The following SLC30A6 variants were observed in gnomAD, a reference collection of about 807,000 sequenced individuals.
The protein encoded by SLC30A6 is zinc transporter 6.
In SLC30A6, 55 loss-of-function variants were observed where a neutral mutation model predicts 63.0. That is an observed-to-expected ratio of 0.87 (90% confidence interval 0.70 to 1.09). The LOEUF is 1.09. Among genes scored for constraint, SLC30A6 ranks in the 50% least tolerant of loss-of-function variants. The pLI is 0.00. For missense variants in SLC30A6, 587 were observed against 549.2 expected (o/e 1.07, Z -0.69); for synonymous variants, 224 against 186.1 (o/e 1.20, Z -1.66).
At chr2:32,192,528 G>C in intron 6 of SLC30A6, 112 bp downstream of exon 6, 1 of 854,560 alleles carries the variant, frequency 1.2e-6, no homozygotes, top group Non-Finnish European at 1.8e-6. Context: ...GATGAGCAGG[G>C]CTGGAGTTTT....
At chr2:32,171,228 T>C (rs1681173046) in intron 1 of SLC30A6, 59 bp from the exon 2 acceptor site, 3 of 1,400,726 alleles carry the variant, frequency 2.1e-6, no homozygotes, top group Non-Finnish European at 3.0e-6. Flanking sequence ...TATCATATCA[T>C]AGGAACTCTG....
At chr2:32,205,791 C>G (rs780561930) in intron 11 of SLC30A6, among the ~76,000 whole-genome samples, 5 of 151,380 alleles carry the variant, frequency 3.3e-5, no homozygotes, top group Non-Finnish European at 5.9e-5. Context: ...CCTCAGCATC[C>G]CGAGTAGCTG....
chr2:32,192,313 T>A (rs754123011), intron 5 of SLC30A6, 23 bp from the exon 6 acceptor site: 1 of 1,607,012 alleles, frequency 6.2e-7, no homozygotes. Flanking sequence ...ATTGTGATGA[T>A]CTAATTAATG....
At chr2:32,209,684 A>G in intron 13 of SLC30A6, 123 bp downstream of exon 13, 1 of 778,504 alleles carries the variant, frequency 1.3e-6, no homozygotes, top group Non-Finnish European at 2.0e-6. Flanking sequence ...TGTTAAGCAG[A>G]GTCTAAAATG....
In SLC30A6 at chr2:32,206,874, A is replaced by G; in HGVS notation, c.769-12A>G. On this transcript the variant is annotated splice_polypyrimidine_tract_variant and intron_variant, in intron 11 of 13. Coordinates refer to ENST00000282587, the MANE Select transcript of SLC30A6 (RefSeq NM_017964.5). ...TCCCCCATTATTCATATTTTATTGT[A>G]TTTTTCCCCAGACAACACCACCCCA... 1 of 1,608,862 alleles carries G rather than the reference A, an allele frequency of 6.2e-7. No individual in the cohort carries two copies. Among genetic ancestry groups the G allele is most frequent in the Non-Finnish European group, 8.5e-7 (1 of 1,175,590 alleles).
chr2:32,204,975 C>T (rs1275455288), intron 11 of SLC30A6, among the ~76,000 whole-genome samples: 2 of 151,986 alleles, frequency 1.3e-5, no homozygotes, highest in East Asian at 3.9e-4. Flanking sequence ...CCACACCCAG[C>T]TAATTTTTAA....
Position 32,220,893 on chromosome 2 carries a change from T to G in SLC30A6, c.*180T>G. On this transcript the variant is annotated 3_prime_UTR_variant, in exon 14 of 14. Transcript: ENST00000282587. ...GTAAAATGTATTTGTGACAGTGAAA[T>G]CCTCGTAAATGTTAAAGGCTTTAAA... is the stretch of plus-strand genomic sequence containing the variant. 1 of 600,254 alleles carries G rather than the reference T, an allele frequency of 1.7e-6. No individual in the cohort carries two copies. The highest frequency in any genetic ancestry group is 2.4e-5 in the South Asian group (1 of 42,142). The allele number at this position is 600,254 out of a possible 1,614,324, so 37.2% of individuals were successfully genotyped here.
chr2:32,180,257 G>A (rs189177940), intron 4 of SLC30A6, among the ~76,000 whole-genome samples: 4 of 152,010 alleles, frequency 2.6e-5, no homozygotes, highest in Non-Finnish European at 4.4e-5. Flanking sequence ...TTAAAAATTA[G>A]CCAAGTTTGG....
chr2:32,167,827 A>G (rs1242787171), intron 1 of SLC30A6, among the ~76,000 whole-genome samples: 1 of 152,084 alleles, frequency 6.6e-6, no homozygotes, highest in African/African-American at 2.4e-5. Context: ...ACCTTCATTA[A>G]CTCACAGCCC....
intron 13 of SLC30A6, chr2:32,214,312 TA>T (rs1685519638): frequency 6.6e-6 from 1 of 152,238 alleles, no homozygotes; most frequent in Non-Finnish European, 1.5e-5. Context: ...GAAGTTTTTG[TA>T]AATCTGAAAA....
At position 32,193,878 on chromosome 2, in the gene SLC30A6, G is replaced by C. The variant is rs1315227910; in HGVS notation, c.402-11G>C. 6.2e-7 allele frequency: 1 copy of C among 1,603,444 alleles called. No individual in the cohort carries two copies. The highest frequency in any genetic ancestry group is 2.2e-5 in the East Asian group (1 of 44,656). ...CAAATTAAAGGTGAATGTTATCGTT[G>C]TTCTTTTTAGGGGAAGATTATTAGT... On this transcript the variant is annotated splice_polypyrimidine_tract_variant and intron_variant, in intron 7 of 13. Coordinates refer to ENST00000282587, the MANE Select transcript of SLC30A6 (RefSeq NM_017964.5).
chr2:32,196,776 A>C (rs766397575), intron 8 of SLC30A6, among the ~76,000 whole-genome samples: 11 of 151,998 alleles, frequency 7.2e-5, no homozygotes, highest in Non-Finnish European at 1.2e-4. Context: ...AAGTATAAAG[A>C]ACTGCTGGGC....
At chr2:32,194,636 C>T (rs1683616752) in intron 8 of SLC30A6, among the ~76,000 whole-genome samples, 1 of 152,136 alleles carries the variant, frequency 6.6e-6, no homozygotes, top group African/African-American at 2.4e-5. Flanking sequence ...CACAGACCCA[C>T]ACTTTGAAGT....
intron 5 of SLC30A6, among the ~76,000 whole-genome samples, chr2:32,191,376 C>T (rs980021747): frequency 4.6e-5 from 7 of 152,020 alleles, no homozygotes; most frequent in Admixed American, 3.9e-4. Context: ...TTTTCCTTTA[C>T]AAATAACAAT....
chr2:32,193,881 CTTTTTAGGGGAAGA>C lies in SLC30A6; in HGVS notation c.402-5_410del. Reference sequence around the variant, plus strand: ...ATTAAAGGTGAATGTTATCGTTGTTCTTTTTAGGGGAAGATTATTAGTTGGTACTTTTGTGGCTC... The same window carrying C: ...ATTAAAGGTGAATGTTATCGTTGTTCTTATTAGTTGGTACTTTTGTGGCTC... On this transcript the variant is annotated splice_acceptor_variant and splice_polypyrimidine_tract_variant and coding_sequence_variant and intron_variant, in exon 8 of 14. Coordinates refer to ENST00000282587, the MANE Select transcript of SLC30A6 (RefSeq NM_017964.5). LOFTEE classifies it high-confidence loss of function. 1 of 1,606,862 alleles carries C rather than the reference CTTTTTAGGGGAAGA, an allele frequency of 6.2e-7. No homozygotes were observed. Among genetic ancestry groups the C allele is most frequent in the Non-Finnish European group, 8.5e-7 (1 of 1,174,602 alleles).
intron 2 of SLC30A6, among the ~76,000 whole-genome samples, chr2:32,173,788 A>T (rs545851578): frequency 4.6e-5 from 7 of 152,198 alleles, no homozygotes; most frequent in African/African-American, 7.2e-5. Flanking sequence ...AACGATATGC[A>T]TATGTATGTG....
chr2:32,207,192 T>C (rs747475488), intron 12 of SLC30A6, among the ~76,000 whole-genome samples: 12 of 151,968 alleles, frequency 7.9e-5, no homozygotes, highest in Non-Finnish European at 1.5e-4. Context: ...ATGCTATGAT[T>C]TTTATTTATT....
chr2:32,218,097 A>G (rs560840918), intron 13 of SLC30A6, among the ~76,000 whole-genome samples: 8 of 152,000 alleles, frequency 5.3e-5, no homozygotes, highest in Non-Finnish European at 1.2e-4. Flanking sequence ...TAACCAAAAT[A>G]GGATCATTTG....
At chr2:32,178,628 G>A (rs1682007223) in intron 4 of SLC30A6, among the ~76,000 whole-genome samples, 1 of 152,086 alleles carries the variant, frequency 6.6e-6, no homozygotes, top group African/African-American at 2.4e-5. Flanking sequence ...AAGTGAGCCG[G>A]AATCGCACCA....
Sources: allele counts gnomAD v4.1 joint callset (sites outside exome capture counted in the v4.1 genomes callset), GRCh38; gene constraint gnomAD v4.1.1; transcripts MANE v1.5; gene names NCBI Gene and HGNC (gene_info 2026-07-23, HGNC 2026-07-21).